The following HECTD4 variants were observed in gnomAD, a reference collection of about 807,000 sequenced individuals.
HECTD4 encodes the protein probable E3 ubiquitin-protein ligase HECTD4.
Under a neutral mutation model 471.5 loss-of-function variants are expected in HECTD4, and 114 were observed. The observed-to-expected ratio is 0.24, with a 90% CI of 0.21 to 0.28. The LOEUF (loss-of-function observed/expected upper bound fraction) is 0.28. Among genes scored for constraint, HECTD4 ranks in the 10% least tolerant of loss-of-function variants. The pLI is 1.00. For missense variants in HECTD4, 3,866 were observed against 5,651.5 expected, an observed-to-expected ratio of 0.68 and a Z score of 10.13; for synonymous variants, 2,012 against 2,256.0, an observed-to-expected ratio of 0.89 and a Z score of 3.07.
At chr12:112,358,405 C>T (rs2036385372) in intron 1 of HECTD4, among the ~76,000 whole-genome samples, 1 of 151,910 alleles carries the variant, frequency 6.6e-6, no homozygotes, top group Non-Finnish European at 1.5e-5. Flanking sequence ...CACTTCAGCC[C>T]AGGAGTTCAA....
chr12:112,282,586 C>T (rs2034668978), intron 8 of HECTD4, among the ~76,000 whole-genome samples: 1 of 152,074 alleles, frequency 6.6e-6, no homozygotes, highest in Admixed American at 6.6e-5. Flanking sequence ...GGTGGGGTCA[C>T]AATATAAAAT....
chr12:112,241,529 A>ACAGCTTACTG (rs1191532507), intron 32 of HECTD4, among the ~76,000 whole-genome samples: 10 of 152,280 alleles, frequency 6.6e-5, no homozygotes, highest in Admixed American at 2.0e-4. Flanking sequence ...TGGTGCGATC[A>ACAGCTTACTG]CAGCTTACTG....
rs1403311055 is a variant in HECTD4, at chr12:112,231,136, G to A, written c.6201-314C>T. 5 of 446,702 alleles carry A rather than the reference G, an allele frequency of 1.1e-5. No homozygotes were observed. In the East Asian group the frequency reaches 2.0e-4, roughly 18 times the overall value. The allele number at this position is 446,702 out of a possible 1,614,324, so 27.7% of individuals were successfully genotyped here. The stretch of plus-strand genomic sequence containing the variant: ...CAAAACACCTCGAACCAACTTCACA[G>A]AGGCAACACTTAACTGCTGCTTCTG... On this transcript the variant is annotated intron_variant, in intron 39 of 75. Transcript: ENST00000682272.
intron 51 of HECTD4, 50 bp downstream of exon 51, chr12:112,208,444 G>A: frequency 6.7e-7 from 1 of 1,494,256 alleles, no homozygotes; most frequent in Non-Finnish European, 8.9e-7. Flanking sequence ...AGTCACTAGG[G>A]AGCTAAGCAA....
chr12:112,288,318 CAAA>C (rs34194692), intron 7 of HECTD4, among the ~76,000 whole-genome samples: 5 of 75,082 alleles, frequency 6.7e-5, no homozygotes, highest in Non-Finnish European at 8.4e-5. Flanking sequence ...GACTCTGTCT[CAAA>C]AAAAAAAAAA....
intron 61 of HECTD4, among the ~76,000 whole-genome samples, chr12:112,183,724 G>T (rs1159870982): frequency 6.6e-6 from 1 of 152,194 alleles, no homozygotes; most frequent in Admixed American, 6.5e-5. Context: ...ATTTCTAAAC[G>T]GCGAGGCCTA....
In HECTD4 at chr12:112,184,959, G is replaced by A. The variant is rs1181564568; in HGVS notation, c.10007C>T (p.Ser3336Leu). 2.5e-6 allele frequency: 4 copies of A among 1,613,614 alleles called. No individual in the cohort carries two copies. Among genetic ancestry groups the A allele is most frequent in the Non-Finnish European group, 3.4e-6 (4 of 1,179,812 alleles). Residue 3336 changes from serine to leucine, a missense_variant, in exon 61 of 76, where the codon TCG becomes TTG. This residue lies in a region of HECTD4 where 57 missense variants were observed against 49.8 expected (regional missense o/e 1.14). Transcript: ENST00000682272. This position sits in a 1 kb window ranked among gnomAD's most constrained non-coding sequence, Gnocchi z 9.1. ...GKRQSSRTVD[S>L]DPTVLSIGGS... ...TCCGATGCTGAGCACGGTGGGGTCC[G>A]AGTCCACGGTGCGGGAAGACTGGCG...
intron 60 of HECTD4, 97 bp from the exon 61 acceptor site, chr12:112,185,590 G>T: frequency 1.1e-6 from 1 of 897,494 alleles, no homozygotes; most frequent in Non-Finnish European, 1.7e-6. Flanking sequence ...TAACAACCCT[G>T]TGAACACTGA....
At chr12:112,266,505 G>A (rs2034275164) in intron 14 of HECTD4, among the ~76,000 whole-genome samples, 1 of 152,162 alleles carries the variant, frequency 6.6e-6, no homozygotes, top group African/African-American at 2.4e-5. Flanking sequence ...CTTTGAGACA[G>A]GGTCTCATTC....
chr12:112,276,180 C>T (rs1303563453), intron 9 of HECTD4, among the ~76,000 whole-genome samples: 2 of 152,192 alleles, frequency 1.3e-5, no homozygotes, highest in Admixed American at 1.3e-4. Flanking sequence ...CGAAGAGGAA[C>T]AGGACACAGA....
Position 112,185,011 on chromosome 12 carries a change from G to A in HECTD4, c.9955C>T (p.Arg3319Trp), listed in dbSNP as rs745499085. The A allele has an allele frequency of 1.2e-6, 2 of 1,606,410 alleles. No homozygotes were observed. Among genetic ancestry groups the A allele is most frequent in the Non-Finnish European group, 1.7e-6 (2 of 1,176,524 alleles). The change falls in exon 61 of 76, where the codon CGG (arginine) becomes TGG (tryptophan). Residue 3319 changes from arginine to tryptophan, a missense_variant. Around this residue, in one of 16 missense-constraint regions of HECTD4, gnomAD observed 57 missense variants for 49.8 expected, o/e 1.14. Transcript: ENST00000682272. ...LSKRKKVKMK[R>W]EKASSSGKRQ... ...TTGCCCGACGAGGAGGCCTTTTCCCGCTTCATCTTGACTTTTTTCCTCTTG... is the reference window on the plus strand; with the variant it reads ...TTGCCCGACGAGGAGGCCTTTTCCCACTTCATCTTGACTTTTTTCCTCTTG...
chr12:112,376,757 T>A lies in HECTD4; in HGVS notation c.177+5195A>T, dbSNP rs536166532. ...GTTCTTTCCCATATGGTATACTCCCTCCCTCCCTTCAGGTCTCTGCTCAAA... is the reference window on the plus strand; with the variant it reads ...GTTCTTTCCCATATGGTATACTCCCACCCTCCCTTCAGGTCTCTGCTCAAA... On this transcript the variant is annotated intron_variant, in intron 1 of 75. Coordinates refer to ENST00000682272, the MANE Select transcript of HECTD4 (RefSeq NM_001388303.1). Among the ~76,000 whole-genome samples the A allele has an allele frequency of 2.6e-5, 4 of 152,242 alleles. No homozygotes were observed. In the South Asian group the frequency reaches 8.3e-4, roughly 32 times the overall value.
At chr12:112,191,026 A>C in intron 59 of HECTD4, 61 bp from the exon 60 acceptor site, 13 of 1,406,552 alleles carry the variant, frequency 9.2e-6, no homozygotes, top group Non-Finnish European at 1.2e-5. Context: ...AATAAGCCTC[A>C]CAAAAGGTCC....
intron 69 of HECTD4, 68 bp downstream of exon 69, chr12:112,170,265 T>C: frequency 6.4e-7 from 1 of 1,568,728 alleles, no homozygotes; most frequent in Non-Finnish European, 8.7e-7. Context: ...TCTTTTATGT[T>C]CCAGAAATCC....
chr12:112,301,461 T>C (rs915437118), intron 7 of HECTD4, among the ~76,000 whole-genome samples: 7 of 152,154 alleles, frequency 4.6e-5, no homozygotes, highest in African/African-American at 1.7e-4. Context: ...GGATTACAGG[T>C]GTGAGCCACT....
chr12:112,269,668 T>C, intron 13 of HECTD4, 36 bp downstream of exon 13: 1 of 1,609,514 alleles, frequency 6.2e-7, no homozygotes, highest in Non-Finnish European at 8.5e-7. Flanking sequence ...AAGAATCATT[T>C]TGCAGAGAGC....
chr12:112,205,616 G>C (rs556290700), intron 52 of HECTD4, among the ~76,000 whole-genome samples: 81 of 151,712 alleles, frequency 5.3e-4, no homozygotes, highest in Middle Eastern at 3.4e-3. Context: ...TTTTGAGACA[G>C]AGTCTTGCTC....
At chr12:112,292,422 T>G (rs533259744) in intron 7 of HECTD4, among the ~76,000 whole-genome samples, 8 of 152,334 alleles carry the variant, frequency 5.3e-5, no homozygotes, top group Admixed American at 4.6e-4. Flanking sequence ...TTACTTCATC[T>G]TCCTTTATAA....
At chr12:112,185,567 G>A in intron 60 of HECTD4, 74 bp from the exon 61 acceptor site, 1 of 1,156,226 alleles carries the variant, frequency 8.6e-7, no homozygotes, top group Non-Finnish European at 1.2e-6. Context: ...TCTGAGCCTG[G>A]AATCAACCCT....
Sources: gnomAD v4.1 joint callset for allele counts (sites outside exome capture counted in the v4.1 genomes callset) on GRCh38, gnomAD v4.1.1 for gene constraint, gnomAD v4.1.1 regional missense constraint, Gnocchi (gnomAD v3.1) non-coding constraint, MANE v1.5 for transcripts, NCBI Gene and HGNC (gene_info 2026-07-23, HGNC 2026-07-21) for gene names.